Variants in SLC22A23 observed in about 807,000 individuals in gnomAD.
The protein encoded by SLC22A23 is ion transporter protein.
In SLC22A23, 26 loss-of-function variants were observed where a neutral mutation model predicts 61.0. That is an observed-to-expected ratio of 0.43 (90% CI 0.31 to 0.59). The LOEUF (loss-of-function observed/expected upper bound fraction) is 0.59, where lower values mean the gene tolerates loss of function less well. Ranked by LOEUF, SLC22A23 falls within the 20% of genes least tolerant of loss-of-function variation. The pLI is 0.11. For synonymous variants in SLC22A23, 430 were observed against 413.9 expected (o/e 1.04, Z -0.47); for missense variants, 796 against 934.7 (o/e 0.85, Z 1.94).
intron 3 of SLC22A23, among the ~76,000 whole-genome samples, chr6:3,355,923 G>A (rs911123931): frequency 2.7e-5 from 4 of 145,552 alleles, no homozygotes; most frequent in Non-Finnish European, 4.5e-5. Context: ...AACACAGTAC[G>A]ACAGCATTTG....
At chr6:3,392,915 T>C (rs1388784875) in intron 3 of SLC22A23, among the ~76,000 whole-genome samples, 1 of 152,084 alleles carries the variant, frequency 6.6e-6, no homozygotes, top group Non-Finnish European at 1.5e-5. Flanking sequence ...CTCTGGCCTA[T>C]GGAGAGGTGA....
chr6:3,340,645 G>A (rs969905717), intron 3 of SLC22A23, among the ~76,000 whole-genome samples: 1 of 152,160 alleles, frequency 6.6e-6, no homozygotes, highest in East Asian at 1.9e-4. Flanking sequence ...GGTCCCATGT[G>A]AAAAAGCAGG....
intron 4 of SLC22A23, among the ~76,000 whole-genome samples, chr6:3,316,986 T>C (rs763910411): frequency 1.5e-4 from 23 of 152,186 alleles, no homozygotes; most frequent in Non-Finnish European, 2.9e-4. Context: ...GGTGATGGCA[T>C]GCACCAACGT....
At chr6:3,444,069 G>A (rs896918322) in intron 1 of SLC22A23, among the ~76,000 whole-genome samples, 3 of 152,176 alleles carry the variant, frequency 2.0e-5, no homozygotes, top group East Asian at 1.9e-4. Flanking sequence ...AAAAGAGACC[G>A]AAGAGAGGTC....
rs941721110 is a variant in SLC22A23, at chr6:3,456,008, G to T, written c.552C>A (p.Pro184=). ...SSGADGGDTP[P]LPSPPDKGDN... ...CCCCCTTGTCCGGAGGGGATGGCAG[G>T]GGTGGTGTGTCGCCTCCGTCCGCGC... The change falls in exon 1 of 10, where the codon CCC becomes CCA. Residue 184 remains proline, a synonymous_variant. Transcript: ENST00000406686. This position sits in a 1 kb window ranked among gnomAD's most constrained non-coding sequence, Gnocchi z 7.1. 30 of 1,547,008 alleles carry T rather than the reference G, an allele frequency of 1.9e-5. No homozygotes were observed. Among genetic ancestry groups the T allele is most frequent in the Non-Finnish European group, 2.5e-5 (29 of 1,146,802 alleles).
chr6:3,277,237 A>G (rs1045164713), intron 9 of SLC22A23, among the ~76,000 whole-genome samples: 2 of 151,900 alleles, frequency 1.3e-5, no homozygotes, highest in Non-Finnish European at 2.9e-5. Flanking sequence ...CAGGCATGAC[A>G]TGGAGTCCTA....
At chr6:3,382,626 T>G (rs28493889) in intron 3 of SLC22A23, among the ~76,000 whole-genome samples, 1,965 of 152,348 alleles carry the variant, frequency 0.013, 45 homozygotes, top group African/African-American at 0.04. Context: ...TGGGACAAAT[T>G]TGGCCCACTG....
chr6:3,337,436 T>C (rs1763918651), intron 3 of SLC22A23, among the ~76,000 whole-genome samples: 1 of 150,006 alleles, frequency 6.7e-6, no homozygotes, highest in Non-Finnish European at 1.5e-5. Context: ...GTGTTAAGTG[T>C]TACAATTCCC....
At position 3,286,590 on chromosome 6, in the gene SLC22A23, C is replaced by T. The variant is rs942390929; in HGVS notation, c.1546+269G>A. Among the ~76,000 whole-genome samples the T allele has an allele frequency of 3.3e-5, 5 of 152,212 alleles. No homozygotes were observed. The highest frequency in any genetic ancestry group is 4.8e-5 in the African/African-American group (2 of 41,462). ...TGATGAATCACACAGAAGCAGTCTACCTATTAGCAAAGACTGGGCCACCAG... is the reference window on the plus strand; with the variant it reads ...TGATGAATCACACAGAAGCAGTCTATCTATTAGCAAAGACTGGGCCACCAG... On this transcript the variant is annotated intron_variant, in intron 7 of 9. Coordinates refer to ENST00000406686, the MANE Select transcript of SLC22A23 (RefSeq NM_015482.2). This position sits in a 1 kb window ranked among gnomAD's most constrained non-coding sequence, Gnocchi z 4.2.
At chr6:3,421,360 T>C (rs9378792) in intron 1 of SLC22A23, among the ~76,000 whole-genome samples, 60,417 of 152,014 alleles carry the variant, frequency 0.4, 12,405 homozygotes, top group East Asian at 0.47. Context: ...CACAGAGGTC[T>C]CTATGCAATG....
chr6:3,358,227 T>A (rs938520499), intron 3 of SLC22A23, among the ~76,000 whole-genome samples: 2 of 152,110 alleles, frequency 1.3e-5, no homozygotes, highest in African/African-American at 4.8e-5. Context: ...CAGGTACTTA[T>A]CCAAAAGAAT....
At chr6:3,323,171 A>G in intron 4 of SLC22A23, 3 of 445,414 alleles carry the variant, frequency 6.7e-6, no homozygotes, top group South Asian at 3.2e-5. Flanking sequence ...CCATAGTTCA[A>G]AAAGGCATAT....
intron 3 of SLC22A23, among the ~76,000 whole-genome samples, chr6:3,398,630 G>A (rs1768174750): frequency 6.6e-6 from 1 of 151,826 alleles, no homozygotes; most frequent in Non-Finnish European, 1.5e-5. Flanking sequence ...GCCCTGAAGT[G>A]GAGGCCCTGC....
chr6:3,342,130 G>A lies in SLC22A23; in HGVS notation c.914-18128C>T, dbSNP rs528670643. 2.0e-5 allele frequency among the ~76,000 whole-genome samples: 3 copies of A among 152,026 alleles called. No homozygotes were observed. Among genetic ancestry groups the A allele is most frequent in the Non-Finnish European group, 4.4e-5 (3 of 68,002 alleles). On this transcript the variant is annotated intron_variant, in intron 3 of 9. Coordinates refer to ENST00000406686, the MANE Select transcript of SLC22A23 (RefSeq NM_015482.2). This position sits in a 1 kb window ranked among gnomAD's most constrained non-coding sequence, Gnocchi z 4.0. ...CTAAACTAGCATTTTGTTCCTCTAG[G>A]TACATACTATGGGTTTAAATTTTAG...
chr6:3,279,154 A>G (rs1382452771), intron 9 of SLC22A23, among the ~76,000 whole-genome samples: 2 of 152,204 alleles, frequency 1.3e-5, no homozygotes, highest in African/African-American at 4.8e-5. Flanking sequence ...ACATGCATAT[A>G]TAATATGGAA....
At chr6:3,445,830 G>A (rs573241555) in intron 1 of SLC22A23, among the ~76,000 whole-genome samples, 1 of 152,264 alleles carries the variant, frequency 6.6e-6, no homozygotes, top group East Asian at 1.9e-4. Flanking sequence ...AGGGGTGGCA[G>A]GGGAGGAGAG....
At chr6:3,406,543 TGTGTGCGC>T (rs200772375) in intron 3 of SLC22A23, among the ~76,000 whole-genome samples, 2 of 47,212 alleles carry the variant, frequency 4.2e-5, no homozygotes, top group East Asian at 4.2e-4. Flanking sequence ...TGTGTGTGTG[TGTGTGCGC>T]GCATGTGTGT....
At chr6:3,392,472 G>A (rs1198139824) in intron 3 of SLC22A23, among the ~76,000 whole-genome samples, 1 of 152,230 alleles carries the variant, frequency 6.6e-6, no homozygotes, top group East Asian at 1.9e-4. Context: ...CAGGCTGTAT[G>A]AATATCACCC....
chr6:3,348,038 T>G (rs1439588776), intron 3 of SLC22A23, among the ~76,000 whole-genome samples: 3 of 152,220 alleles, frequency 2.0e-5, no homozygotes, highest in African/African-American at 7.2e-5. Context: ...CTTATCTCAC[T>G]GCAGGCTTCT....
Sources: allele counts gnomAD v4.1 joint callset (sites outside exome capture counted in the v4.1 genomes callset), GRCh38; gene constraint gnomAD v4.1.1; non-coding constraint Gnocchi (gnomAD v3.1); transcripts MANE v1.5; gene names NCBI Gene and HGNC (gene_info 2026-07-23, HGNC 2026-07-21).